ACBD7: variants seen among roughly 807,000 people sequenced by gnomAD.
The protein encoded by ACBD7 is acyl-CoA-binding domain-containing protein 7.
In ACBD7, 11 loss-of-function variants were observed where a neutral mutation model predicts 13.7. That is an observed-to-expected ratio of 0.80 (90% CI 0.50 to 1.33). The LOEUF is 1.33. ACBD7 is among the 40% of genes most tolerant of loss of function. ACBD7 has a pLI of 0.00. For synonymous variants in ACBD7, 43 were observed against 37.7 expected (o/e 1.14, Z -0.51); for missense variants, 111 against 103.0 (o/e 1.08, Z -0.33).
rs1372963933 is a variant in ACBD7, at chr10:15,076,630, G to C, written c.*1900C>G. 1 of 626,254 alleles carries C rather than the reference G, an allele frequency of 1.6e-6. No homozygotes were observed. Among genetic ancestry groups the C allele is most frequent in the African/African-American group, 2.0e-5 (1 of 49,972 alleles). The allele number at this position is 626,254 out of a possible 1,614,324, so 38.8% of individuals were successfully genotyped here. ...CAATTCTCCTGCCTCAGCCTCCCAA[G>C]TAGCTGGAATTACAGGTGTGCACCA... is the stretch of plus-strand genomic sequence containing the variant. On this transcript the variant is annotated 3_prime_UTR_variant, in exon 4 of 4. Transcript: ENST00000356189.
At chr10:15,088,434 G>C (rs1434851612) in intron 1 of ACBD7, 1 of 503,082 alleles carries the variant, frequency 2.0e-6, no homozygotes, top group Admixed American at 4.2e-5. Flanking sequence ...TCTCGGAGAC[G>C]GAGAGGAGGA....
At position 15,088,751 on chromosome 10, in the gene ACBD7, C is replaced by A. The variant is rs956104033; in HGVS notation, c.-23G>T. The stretch of plus-strand genomic sequence containing the variant: ...CATGGTGGCGGCTGCCGCGTTGTTG[C>A]TGCTGCTGTTGTCGTCCGGTGCTCT... On this transcript the variant is annotated 5_prime_UTR_variant, in exon 1 of 4. Coordinates refer to ENST00000356189, the MANE Select transcript of ACBD7 (RefSeq NM_001039844.3). The A allele has an allele frequency of 1.3e-6, 2 of 1,598,334 alleles. No individual in the cohort carries two copies. Among genetic ancestry groups the A allele is most frequent in the Admixed American group, 3.4e-5 (2 of 59,076 alleles).
At chr10:15,084,096 T>G (rs569970753) in intron 1 of ACBD7, among the ~76,000 whole-genome samples, 5 of 152,336 alleles carry the variant, frequency 3.3e-5, no homozygotes, top group Admixed American at 6.5e-5. Flanking sequence ...GGATCGGGTC[T>G]GCGATTGTTG....
In ACBD7 at chr10:15,078,797, T is replaced by G. The variant is rs758649171; in HGVS notation, c.131-44A>C. Reference sequence around the variant, plus strand: ...ATGCATTTGCAGGTTAACATTTTACTGTGCACTTCTATAGACATTGTTCAA... The same window carrying G: ...ATGCATTTGCAGGTTAACATTTTACGGTGCACTTCTATAGACATTGTTCAA... On this transcript the variant is annotated intron_variant, in intron 2 of 3. Transcript: ENST00000356189. 4 of 1,595,660 alleles carry G rather than the reference T, an allele frequency of 2.5e-6. No homozygotes were observed. The South Asian group carries it at 3.3e-5, about 13-fold the overall frequency.
At chr10:15,088,634 G>A in intron 1 of ACBD7, 83 bp downstream of exon 1, 1 of 1,539,852 alleles carries the variant, frequency 6.5e-7, no homozygotes, top group African/African-American at 1.4e-5. Flanking sequence ...CGCTCCCAGG[G>A]GCGCCAAGCC....
intron 1 of ACBD7, among the ~76,000 whole-genome samples, chr10:15,079,637 G>C (rs1844726974): frequency 6.6e-6 from 1 of 151,310 alleles, no homozygotes. Context: ...GAAGTGCAGT[G>C]GCAAGATCTC....
rs1203307720 is a variant in ACBD7 at position 15,079,031 on chromosome 10, C to T, written c.22G>A (p.Asp8Asn). 3 of 1,606,046 alleles carry T rather than the reference C, an allele frequency of 1.9e-6. No homozygotes were observed. In the African/African-American group the frequency reaches 4.0e-5, roughly 22 times the overall value. The change falls in exon 2 of 4, where the codon GAC (aspartate) becomes AAC (asparagine). Residue 8 changes from aspartate to asparagine, a missense_variant. Transcript: ENST00000356189. Reference sequence around the variant, plus strand: ...TTCCTCACATCTTCTGCAGCCCTGTCAAAATCAGCCTAAAGGAAGAACAAA... The same window carrying T: ...TTCCTCACATCTTCTGCAGCCCTGTTAAAATCAGCCTAAAGGAAGAACAAA... MALQADF[D>N]RAAEDVRKLK...
chr10:15,088,585 T>C (rs924636183), intron 1 of ACBD7, 132 bp downstream of exon 1: 3 of 1,264,966 alleles, frequency 2.4e-6, no homozygotes, highest in Non-Finnish European at 3.2e-6. Context: ...TCTGGGGCGC[T>C]GGGGAAGGAG....
At position 15,076,803 on chromosome 10, in the gene ACBD7, T is replaced by A. The variant is rs1844687380; in HGVS notation, c.*1727A>T. The A allele has an allele frequency of 3.0e-6, 3 of 985,376 alleles. No individual in the cohort carries two copies. Among genetic ancestry groups the A allele is most frequent in the Non-Finnish European group, 3.6e-6 (3 of 829,912 alleles). 61.0% of individuals were successfully genotyped at this position (985,376 alleles called of 1,614,324 possible). A position where few individuals can be genotyped will look rare whatever the true frequency, so the allele number is the denominator to read the frequency against. On this transcript the variant is annotated 3_prime_UTR_variant, in exon 4 of 4. Transcript: ENST00000356189. ...GAGGCGTGAGCCACCACGCTCAGCC[T>A]TGCCATTGATTCTTAATAACCTGTT... is the stretch of plus-strand genomic sequence containing the variant.
intron 1 of ACBD7, among the ~76,000 whole-genome samples, chr10:15,085,627 G>T (rs1844799968): frequency 6.6e-6 from 1 of 152,182 alleles, no homozygotes; most frequent in African/African-American, 2.4e-5. Context: ...CCCTAGACTT[G>T]AAAAGATACA....
Position 15,076,023 on chromosome 10 carries a change from T to C in ACBD7, c.*2507A>G, listed in dbSNP as rs896002504. ...GAAAAGAAAAAGAATGTTATATAAA[T>C]GGAATTATACATGTCACATTTGGGG... On this transcript the variant is annotated 3_prime_UTR_variant, in exon 4 of 4. Transcript: ENST00000356189. 1.5e-6 allele frequency: 1 copy of C among 683,780 alleles called. No individual in the cohort carries two copies. The highest frequency in any genetic ancestry group is 1.8e-6 in the Non-Finnish European group (1 of 555,424). 42.4% of individuals were successfully genotyped at this position (683,780 alleles called of 1,614,324 possible). A position where few individuals can be genotyped will look rare whatever the true frequency, so the allele number is the denominator to read the frequency against.
chr10:15,086,257 A>C (rs1312530124), intron 1 of ACBD7, among the ~76,000 whole-genome samples: 1 of 152,092 alleles, frequency 6.6e-6, no homozygotes, highest in Non-Finnish European at 1.5e-5. Flanking sequence ...CAGTGAGTCA[A>C]GATCACGCCA....
intron 1 of ACBD7, among the ~76,000 whole-genome samples, chr10:15,084,133 C>A (rs1345611039): frequency 2.0e-5 from 3 of 152,196 alleles, no homozygotes; most frequent in African/African-American, 4.8e-5. Context: ...GAAAGCTGCT[C>A]CCAGCGGTGT....
Position 15,076,010 on chromosome 10 carries a change from A to T in ACBD7, c.*2520T>A. 1 of 648,044 alleles carries T rather than the reference A, an allele frequency of 1.5e-6. No homozygotes were observed. The highest frequency in any genetic ancestry group is 1.9e-6 in the Non-Finnish European group (1 of 522,142). 40.1% of individuals were successfully genotyped at this position (648,044 alleles called of 1,614,324 possible). On this transcript the variant is annotated 3_prime_UTR_variant, in exon 4 of 4. Coordinates refer to ENST00000356189, the MANE Select transcript of ACBD7 (RefSeq NM_001039844.3). ...AAAAAAAAAAAAAGAAAAGAAAAAG[A>T]ATGTTATATAAATGGAATTATACAT...
chr10:15,078,495 G>C lies in ACBD7; in HGVS notation c.*35C>G, dbSNP rs1844709176. 1.2e-6 allele frequency: 2 copies of C among 1,613,072 alleles called. No homozygotes were observed. The highest frequency in any genetic ancestry group is 2.7e-5 in the African/African-American group (2 of 74,890). On this transcript the variant is annotated 3_prime_UTR_variant, in exon 4 of 4. Coordinates refer to ENST00000356189, the MANE Select transcript of ACBD7 (RefSeq NM_001039844.3). ...TGTTAGGTCATGATAGCATTTGGAA[G>C]TCTTCAAAAGGAAAAATTCCTCATA...
At chr10:15,078,872 AAT>A in intron 2 of ACBD7, 49 bp downstream of exon 2, 2 of 1,226,252 alleles carry the variant, frequency 1.6e-6, no homozygotes, top group Non-Finnish European at 2.1e-6. Flanking sequence ...AATCGCAATT[AAT>A]ATATTAATTG....
intron 1 of ACBD7, among the ~76,000 whole-genome samples, chr10:15,087,597 C>T (rs1465657002): frequency 3.3e-5 from 5 of 151,758 alleles, no homozygotes; most frequent in Admixed American, 2.6e-4. Flanking sequence ...GCCAACACAG[C>T]GAAACCCCAT....
chr10:15,079,601 C>A (rs956750004), intron 1 of ACBD7, among the ~76,000 whole-genome samples: 1 of 150,040 alleles, frequency 6.7e-6, no homozygotes, highest in Non-Finnish European at 1.5e-5. Context: ...TTTTTTGAGA[C>A]TGAGTCTCAC....
At chr10:15,080,176 T>A (rs1844734000) in intron 1 of ACBD7, among the ~76,000 whole-genome samples, 2 of 152,182 alleles carry the variant, frequency 1.3e-5, no homozygotes, top group Non-Finnish European at 2.9e-5. Flanking sequence ...TTATTGCAAC[T>A]GATTTCTAGA....
Sources: allele counts gnomAD v4.1 joint callset (sites outside exome capture counted in the v4.1 genomes callset), GRCh38; gene constraint gnomAD v4.1.1; transcripts MANE v1.5; gene names NCBI Gene and HGNC (gene_info 2026-07-23, HGNC 2026-07-21).